The following FAM13C variants were observed in gnomAD, a reference collection of about 807,000 sequenced individuals.
The protein encoded by FAM13C is protein FAM13C.
A neutral mutation model predicts 73.2 loss-of-function variants in FAM13C; 37 were observed. That is an observed-to-expected ratio of 0.51 (90% confidence interval 0.39 to 0.67). FAM13C has a LOEUF of 0.67. Ranked by LOEUF, FAM13C falls within the 30% of genes least tolerant of loss-of-function variation. The pLI is 0.00. For missense variants in FAM13C, 589 were observed against 715.6 expected (o/e 0.82, Z 2.02); for synonymous variants, 246 against 260.9 (o/e 0.94, Z 0.55).
chr10:59,344,006 G>C (rs1470807421), intron 3 of FAM13C, among the ~76,000 whole-genome samples: 1 of 148,140 alleles, frequency 6.8e-6, no homozygotes, highest in Non-Finnish European at 1.5e-5. Context: ...CTGTCGCCCA[G>C]GCTGGAGTGC....
intron 4 of FAM13C, among the ~76,000 whole-genome samples, chr10:59,320,744 A>G (rs1023326985): frequency 6.6e-6 from 1 of 152,238 alleles, no homozygotes; most frequent in Non-Finnish European, 1.5e-5. Context: ...TTATTTGAAC[A>G]TGGTTTGAAC....
At chr10:59,252,706 G>T in intron 12 of FAM13C, 93 bp downstream of exon 12, 2 of 1,261,562 alleles carry the variant, frequency 1.6e-6, no homozygotes, top group Non-Finnish European at 2.3e-6. Context: ...ACCCCTTTGA[G>T]TCCAGCATTT....
chr10:59,270,239 A>G (rs1429252645), intron 6 of FAM13C, 130 bp from the exon 7 acceptor site: 27 of 865,048 alleles, frequency 3.1e-5, no homozygotes, highest in Non-Finnish European at 4.6e-5. Flanking sequence ...TTCTGGGGAT[A>G]TGAAAAGCTT....
At chr10:59,352,499 G>A in intron 2 of FAM13C, 25 bp from the exon 3 acceptor site, 1 of 1,561,016 alleles carries the variant, frequency 6.4e-7, no homozygotes, top group Admixed American at 1.9e-5. Flanking sequence ...ACCCAATTTA[G>A]AAAGTACCTT....
chr10:59,248,488 G>T (rs1197951844), intron 13 of FAM13C, among the ~76,000 whole-genome samples: 11 of 152,088 alleles, frequency 7.2e-5, no homozygotes, highest in Non-Finnish European at 5.9e-5. Context: ...ACAAAAATAT[G>T]TTGTCAGGAA....
chr10:59,290,419 G>C (rs1726534935), intron 5 of FAM13C, among the ~76,000 whole-genome samples: 1 of 152,204 alleles, frequency 6.6e-6, no homozygotes, highest in Non-Finnish European at 1.5e-5. Context: ...CTGGGGACAT[G>C]ACTGGGTCTC....
At chr10:59,354,174 C>G (rs1324495260) in intron 2 of FAM13C, among the ~76,000 whole-genome samples, 3 of 152,108 alleles carry the variant, frequency 2.0e-5, no homozygotes, top group Non-Finnish European at 4.4e-5. Flanking sequence ...GACTCATTCC[C>G]AAAATAATAC....
chr10:59,352,875 T>C (rs531380631), intron 2 of FAM13C, among the ~76,000 whole-genome samples: 4 of 152,338 alleles, frequency 2.6e-5, no homozygotes, highest in African/African-American at 9.6e-5. Flanking sequence ...ACACGCCTAA[T>C]GGAAGGACTA....
Position 59,299,274 on chromosome 10 carries a change from A to G in FAM13C, c.507+3527T>C, listed in dbSNP as rs1847280165. On this transcript the variant is annotated intron_variant, in intron 5 of 13. Coordinates refer to ENST00000618804, the MANE Select transcript of FAM13C (RefSeq NM_198215.4). ...TCATTTAAAAATCTAATTAAACTTA[A>G]AAAAAATCTCTGAAAGGACACCTAG... is the stretch of plus-strand genomic sequence containing the variant. Among the ~76,000 whole-genome samples the G allele has an allele frequency of 2.6e-5, 4 of 152,144 alleles. No individual in the cohort carries two copies. The South Asian group carries it at 8.3e-4, about 32-fold the overall frequency.
chr10:59,267,573 C>G (rs1843203501), intron 8 of FAM13C, among the ~76,000 whole-genome samples: 1 of 152,164 alleles, frequency 6.6e-6, no homozygotes, highest in Non-Finnish European at 1.5e-5. Context: ...TTTTGCAAAG[C>G]TAAAATCTGC....
At chr10:59,314,199 T>C (rs544847456) in intron 4 of FAM13C, among the ~76,000 whole-genome samples, 10 of 152,248 alleles carry the variant, frequency 6.6e-5, no homozygotes, top group African/African-American at 2.4e-4. Flanking sequence ...GATAGATGTA[T>C]TGGCAAGCCA....
chr10:59,344,389 C>T (rs1320291501), intron 3 of FAM13C, among the ~76,000 whole-genome samples: 1 of 151,514 alleles, frequency 6.6e-6, no homozygotes, highest in Non-Finnish European at 1.5e-5. Flanking sequence ...CGCCATTCTC[C>T]TGCCTCGGCC....
intron 5 of FAM13C, among the ~76,000 whole-genome samples, chr10:59,294,840 C>T (rs1236529514): frequency 1.3e-5 from 2 of 152,198 alleles, no homozygotes; most frequent in Non-Finnish European, 2.9e-5. Context: ...GGTGACTCTA[C>T]CTCAACTCAG....
At chr10:59,276,709 C>T (rs184741417) in intron 6 of FAM13C, among the ~76,000 whole-genome samples, 203 of 152,282 alleles carry the variant, frequency 1.3e-3, no homozygotes, top group Non-Finnish European at 2.4e-3. Context: ...TCTTGTTTTA[C>T]ATTTCAGAAA....
chr10:59,261,341 C>T (rs1417078029), intron 10 of FAM13C, among the ~76,000 whole-genome samples: 1 of 152,082 alleles, frequency 6.6e-6, no homozygotes, highest in Non-Finnish European at 1.5e-5. Context: ...ACTTGTAGAT[C>T]ACAAGTCCTT....
chr10:59,275,500 C>T lies in FAM13C; in HGVS notation c.593-5391G>A, dbSNP rs1320733567. On this transcript the variant is annotated intron_variant, in intron 6 of 13. Transcript: ENST00000618804. ...CATGAAAAGCTAATACTAAAAGAAC[C>T]CAAAGAAAGGTATTTTTAAAGTGAC... 2.6e-5 allele frequency among the ~76,000 whole-genome samples: 4 copies of T among 152,128 alleles called. No individual in the cohort carries two copies. In the South Asian group the frequency reaches 6.2e-4, roughly 24 times the overall value.
intron 11 of FAM13C, 114 bp downstream of exon 11, chr10:59,254,234 T>C (rs1460056290): frequency 6.5e-6 from 4 of 615,752 alleles, no homozygotes; most frequent in Non-Finnish European, 1.0e-5. Context: ...ACAACTAGCC[T>C]TGTTTGCAGT....
intron 3 of FAM13C, among the ~76,000 whole-genome samples, chr10:59,350,167 T>G (rs1212531942): frequency 6.6e-6 from 1 of 152,220 alleles, no homozygotes; most frequent in East Asian, 1.9e-4. Flanking sequence ...ACAGGCCACT[T>G]AAATTCCAGT....
chr10:59,340,237 A>T (rs1394412994), intron 3 of FAM13C, among the ~76,000 whole-genome samples: 1 of 152,206 alleles, frequency 6.6e-6, no homozygotes, highest in Admixed American at 6.5e-5. Flanking sequence ...TTTTTTTAAA[A>T]AGAGTCTGCT....
Sources: gnomAD v4.1 joint callset for allele counts (sites outside exome capture counted in the v4.1 genomes callset) on GRCh38, gnomAD v4.1.1 for gene constraint, MANE v1.5 for transcripts, NCBI Gene and HGNC (gene_info 2026-07-23, HGNC 2026-07-21) for gene names.